Variants in VSNL1 observed in about 807,000 individuals in gnomAD.
VSNL1 encodes the protein visinin like 1, also known as visinin-like protein 1.
A neutral mutation model predicts 20.4 loss-of-function variants in VSNL1; 6 were observed. The observed-to-expected ratio is 0.29, with a 90% CI of 0.16 to 0.58. The LOEUF (loss-of-function observed/expected upper bound fraction) is 0.58, where lower values mean the gene tolerates loss of function less well. Ranked by LOEUF, VSNL1 falls within the 20% of genes least tolerant of loss-of-function variation. The pLI is 0.90. For synonymous variants in VSNL1, 93 were observed against 86.4 expected, an observed-to-expected ratio of 1.08 and a Z score of -0.42; for missense variants, 100 against 234.5, an observed-to-expected ratio of 0.43 and a Z score of 3.75.
chr2:17,567,325 G>A (rs962952179), intron 1 of VSNL1: 1 of 136,076 alleles, frequency 7.3e-6, no homozygotes, highest in Admixed American at 7.4e-5. Context: ...TTTTGGTCTT[G>A]ATGTAAAGAG....
intron 2 of VSNL1, among the ~76,000 whole-genome samples, chr2:17,643,503 G>A (rs1407134373): frequency 6.6e-6 from 1 of 152,090 alleles, no homozygotes; most frequent in Non-Finnish European, 1.5e-5. Context: ...TCAAGGCCTC[G>A]AAACGATCTG....
intron 1 of VSNL1, among the ~76,000 whole-genome samples, chr2:17,582,631 T>C (rs1664376769): frequency 6.6e-6 from 1 of 152,034 alleles, no homozygotes; most frequent in African/African-American, 2.4e-5. Context: ...ATGCCCAGAC[T>C]CTGCATGGAA....
chr2:17,607,508 C>T (rs1216269676), intron 2 of VSNL1, among the ~76,000 whole-genome samples: 3 of 152,174 alleles, frequency 2.0e-5, no homozygotes, highest in African/African-American at 4.8e-5. Context: ...ACCTCAATGT[C>T]TTCCTTTGTA....
chr2:17,549,237 T>C (rs1457749953), intron 1 of VSNL1, among the ~76,000 whole-genome samples: 1 of 152,178 alleles, frequency 6.6e-6, no homozygotes, highest in Admixed American at 6.5e-5. Flanking sequence ...ACAACACATG[T>C]TGCAGAACAT....
chr2:17,640,686 C>CT (rs960610207), intron 2 of VSNL1, among the ~76,000 whole-genome samples: 101 of 151,760 alleles, frequency 6.7e-4, no homozygotes, highest in Non-Finnish European at 1.2e-3. Flanking sequence ...TGTTCCACTT[C>CT]TTTTTTTTTC....
chr2:17,579,845 T>A (rs925709270), intron 1 of VSNL1, among the ~76,000 whole-genome samples: 1 of 152,190 alleles, frequency 6.6e-6, no homozygotes, highest in African/African-American at 2.4e-5. Flanking sequence ...AGCAGTCTTT[T>A]AGGATTCACA....
In VSNL1 at chr2:17,560,196, T is replaced by TAA. The variant is rs1663780630; in HGVS notation, c.-6+19278_-6+19279insAA. ...AAAATTAAAAGACAATAGGAAAACA[T>TAA]CATATATATATACATATATATATAA... On this transcript the variant is annotated intron_variant, in intron 1 of 3. Coordinates refer to ENST00000295156, the MANE Select transcript of VSNL1 (RefSeq NM_003385.5). Among the ~76,000 whole-genome samples, 24 of 14,968 alleles carry TAA rather than the reference T, an allele frequency of 1.6e-3. No homozygotes were observed. In the Admixed American group the frequency reaches 0.031, roughly 19 times the overall value. 9.8% of individuals were successfully genotyped at this position (14,968 alleles called of 152,430 possible). A position where few individuals can be genotyped will look rare whatever the true frequency, so the allele number is the denominator to read the frequency against.
chr2:17,597,140 G>C (rs1283991244), intron 2 of VSNL1, among the ~76,000 whole-genome samples: 1 of 152,156 alleles, frequency 6.6e-6, no homozygotes, highest in African/African-American at 2.4e-5. Flanking sequence ...TGGGGGCAGT[G>C]GTCATGGCAG....
chr2:17,574,553 C>A (rs569567938), intron 1 of VSNL1, among the ~76,000 whole-genome samples: 1 of 152,158 alleles, frequency 6.6e-6, no homozygotes, highest in Admixed American at 6.5e-5. Flanking sequence ...AAAAAGCAAT[C>A]AAATACAGTC....
At chr2:17,589,711 T>TA (rs1184528068) in intron 1 of VSNL1, among the ~76,000 whole-genome samples, 3 of 152,220 alleles carry the variant, frequency 2.0e-5, no homozygotes, top group African/African-American at 7.2e-5. Flanking sequence ...TGGAACAGTT[T>TA]AAGACATCAC....
chr2:17,592,020 T>C, intron 1 of VSNL1, 50 bp from the exon 2 acceptor site: 1 of 1,608,548 alleles, frequency 6.2e-7, no homozygotes. Context: ...TAACCAAGTT[T>C]GAAATGATCA....
At chr2:17,604,756 G>A (rs1276434902) in intron 2 of VSNL1, among the ~76,000 whole-genome samples, 2 of 152,236 alleles carry the variant, frequency 1.3e-5, no homozygotes, top group African/African-American at 4.8e-5. Context: ...TTTTATCAGT[G>A]TGGCTCACAG....
chr2:17,644,860 G>A (rs537575477), intron 2 of VSNL1, among the ~76,000 whole-genome samples: 1 of 152,374 alleles, frequency 6.6e-6, no homozygotes, highest in Non-Finnish European at 1.5e-5. Context: ...AGCAGGGTAA[G>A]GGGAGATAAC....
At chr2:17,619,450 C>T (rs1665294954) in intron 2 of VSNL1, among the ~76,000 whole-genome samples, 1 of 152,076 alleles carries the variant, frequency 6.6e-6, no homozygotes, top group Non-Finnish European at 1.5e-5. Context: ...TTTTAGGGCA[C>T]ATAACACATA....
At chr2:17,545,293 G>A (rs1005161959) in intron 1 of VSNL1, among the ~76,000 whole-genome samples, 2 of 152,028 alleles carry the variant, frequency 1.3e-5, no homozygotes, top group Non-Finnish European at 2.9e-5. Context: ...ATACTTGAAT[G>A]ACAGAGAGAG....
intron 2 of VSNL1, among the ~76,000 whole-genome samples, chr2:17,631,148 C>T (rs181640540): frequency 7.9e-5 from 12 of 151,808 alleles, no homozygotes; most frequent in Admixed American, 2.6e-4. Context: ...ATTGTCTAGC[C>T]ATTATATTCA....
intron 2 of VSNL1, among the ~76,000 whole-genome samples, chr2:17,638,895 C>T (rs1665819576): frequency 6.6e-6 from 1 of 152,198 alleles, no homozygotes; most frequent in African/African-American, 2.4e-5. Context: ...TGCCAGCTCC[C>T]CGTTATCCCT....
intron 1 of VSNL1, among the ~76,000 whole-genome samples, chr2:17,548,937 C>A (rs1162590831): frequency 6.6e-6 from 1 of 152,186 alleles, no homozygotes; most frequent in Non-Finnish European, 1.5e-5. Context: ...CCTCTAGTGA[C>A]TAATGTTCAG....
At chr2:17,648,394 A>G (rs1344616667) in intron 2 of VSNL1, among the ~76,000 whole-genome samples, 1 of 152,202 alleles carries the variant, frequency 6.6e-6, no homozygotes, top group Non-Finnish European at 1.5e-5. Context: ...GGCCATCTGT[A>G]TGAAGGCTGC....
Sources: allele counts gnomAD v4.1 joint callset (sites outside exome capture counted in the v4.1 genomes callset), GRCh38; gene constraint gnomAD v4.1.1; transcripts MANE v1.5; gene names NCBI Gene and HGNC (gene_info 2026-07-23, HGNC 2026-07-21).